The following PHF14 variants were observed in gnomAD, a reference collection of about 807,000 sequenced individuals.
The protein encoded by PHF14 is PHD finger protein 14.
In PHF14, 55 loss-of-function variants were observed where a neutral mutation model predicts 117.9. The ratio of observed to expected loss-of-function variants is 0.47; its 90% CI spans 0.38 to 0.58. PHF14 has a LOEUF of 0.58. Ranked by LOEUF, PHF14 falls within the 20% of genes least tolerant of loss-of-function variation. The pLI is 0.00. For synonymous variants in PHF14, 409 were observed against 368.6 expected (o/e 1.11, Z -1.26); for missense variants, 978 against 1,122.2 (o/e 0.87, Z 1.84).
intron 17 of PHF14, among the ~76,000 whole-genome samples, chr7:11,119,406 C>T (rs58442127): frequency 1.3e-5 from 2 of 151,656 alleles, no homozygotes; most frequent in African/African-American, 2.4e-5. Flanking sequence ...TATCATAGAT[C>T]GTACTGTTAT....
At chr7:11,009,436 T>C (rs563006362) in intron 4 of PHF14, among the ~76,000 whole-genome samples, 9 of 152,322 alleles carry the variant, frequency 5.9e-5, no homozygotes, top group African/African-American at 1.9e-4. Context: ...GCTAATTAAA[T>C]GGCCATAGAA....
chr7:11,008,277 T>C lies in PHF14; in HGVS notation c.1046-5470T>C, dbSNP rs538195513. ...TGCAAAAAGATATCCTTAGGAGTGT[T>C]CACTGGATAGTAGAATATGTTCAAG... is the stretch of plus-strand genomic sequence containing the variant. On this transcript the variant is annotated intron_variant, in intron 4 of 17. Transcript: ENST00000634607. Among the ~76,000 whole-genome samples, 6 of 152,348 alleles carry C rather than the reference T, an allele frequency of 3.9e-5. No homozygotes were observed. The East Asian group carries it at 1.2e-3, about 29-fold the overall frequency.
intron 17 of PHF14, among the ~76,000 whole-genome samples, chr7:11,122,352 T>TATATAC: frequency 4.4e-4 from 29 of 65,876 alleles, no homozygotes; most frequent in South Asian, 2.0e-3. Flanking sequence ...TATATATATA[T>TATATAC]ACACACACAC....
intron 7 of PHF14, among the ~76,000 whole-genome samples, chr7:11,033,205 G>A (rs994939750): frequency 6.6e-6 from 1 of 152,162 alleles, no homozygotes; most frequent in Non-Finnish European, 1.5e-5. Flanking sequence ...ACATTATTTT[G>A]ACTGGTTTAA....
At chr7:11,137,424 C>T (rs759795414) in intron 17 of PHF14, among the ~76,000 whole-genome samples, 9 of 151,998 alleles carry the variant, frequency 5.9e-5, no homozygotes, top group Non-Finnish European at 1.0e-4. Context: ...AGTTAAAGTT[C>T]ACCAAGAATG....
At chr7:10,974,966 TC>T in intron 2 of PHF14, 21 bp downstream of exon 2, 1 of 1,172,972 alleles carries the variant, frequency 8.5e-7, no homozygotes, top group South Asian at 1.3e-5. Context: ...CCTTCTCTCT[TC>T]CCCTTTCCCA....
At chr7:11,104,230 A>G in intron 16 of PHF14, 1 of 984,540 alleles carries the variant, frequency 1.0e-6, no homozygotes, top group Non-Finnish European at 1.2e-6. Flanking sequence ...TTGCATTTTC[A>G]GTGGTGGTGG....
rs562435104 is a variant in PHF14, at chr7:11,123,541, G to A, written c.2772+12074G>A. Among the ~76,000 whole-genome samples, 6 of 152,262 alleles carry A rather than the reference G, an allele frequency of 3.9e-5. No individual in the cohort carries two copies. In the East Asian group the frequency reaches 1.2e-3, roughly 29 times the overall value. On this transcript the variant is annotated intron_variant, in intron 17 of 17. Transcript: ENST00000634607. ...TCACACCTGTATTCCCAGTGCTTTG[G>A]GAGGCCGAGACAGGCAGATCACAAG...
intron 16 of PHF14, chr7:11,108,707 A>G (rs1203385444): frequency 1.3e-5 from 2 of 151,740 alleles, no homozygotes; most frequent in African/African-American, 4.8e-5. Flanking sequence ...ATTTAATTGT[A>G]CGAGTAGTTG....
chr7:11,129,588 A>G, intron 17 of PHF14, among the ~76,000 whole-genome samples: 1 of 147,970 alleles, frequency 6.8e-6, no homozygotes, highest in East Asian at 2.0e-4. Flanking sequence ...AATTTAAGAG[A>G]CAGTAAACCC....
chr7:11,118,841 C>T (rs966739135), intron 17 of PHF14, among the ~76,000 whole-genome samples: 2 of 151,644 alleles, frequency 1.3e-5, no homozygotes, highest in African/African-American at 4.8e-5. Context: ...GTAAATTATT[C>T]CTTAAGCATC....
At chr7:10,997,205 T>C (rs945511076) in intron 4 of PHF14, among the ~76,000 whole-genome samples, 6 of 152,210 alleles carry the variant, frequency 3.9e-5, no homozygotes, top group African/African-American at 1.4e-4. Context: ...TAGTAGAGTT[T>C]AATATCCTCA....
At chr7:11,015,094 C>G (rs1583367968) in intron 5 of PHF14, 1 of 151,956 alleles carries the variant, frequency 6.6e-6, no homozygotes, top group Non-Finnish European at 1.5e-5. Flanking sequence ...ACAAGATTAA[C>G]AGCAAAGCAA....
rs200277240 is a variant in PHF14, at chr7:11,038,862, T to G, written c.2076+7T>G. ...AGGCAGAATCACAGGGCAGGTTAGT[T>G]TCTTTCCAATTGCTGTCTCCTTCAG... On this transcript the variant is annotated splice_region_variant and intron_variant, in intron 11 of 17. Coordinates refer to ENST00000634607, the MANE Select transcript of PHF14 (RefSeq NM_001007157.2). 1.8e-4 allele frequency: 249 copies of G among 1,363,186 alleles called. 2 individuals are homozygous for G. The East Asian group carries it at 5.4e-3, about 29-fold the overall frequency. 84.4% of individuals were successfully genotyped at this position (1,363,186 alleles called of 1,614,324 possible). A position where few individuals can be genotyped will look rare whatever the true frequency, so the allele number is the denominator to read the frequency against.
chr7:11,082,545 T>G (rs2128336605), intron 16 of PHF14, among the ~76,000 whole-genome samples: 1 of 152,350 alleles, frequency 6.6e-6, no homozygotes, highest in African/African-American at 2.4e-5. Flanking sequence ...TCATTTATGC[T>G]TTCTGATTTA....
At chr7:11,124,037 CCTTA>C (rs1787852175) in intron 17 of PHF14, among the ~76,000 whole-genome samples, 3 of 127,532 alleles carry the variant, frequency 2.4e-5, no homozygotes, top group African/African-American at 5.1e-5. Flanking sequence ...CTGTTTTTCT[CCTTA>C]CTTTTTCCTT....
At chr7:11,118,404 G>C (rs1386132262) in intron 17 of PHF14, among the ~76,000 whole-genome samples, 3 of 151,818 alleles carry the variant, frequency 2.0e-5, no homozygotes, top group Admixed American at 6.6e-5. Flanking sequence ...TCCTTGGCAA[G>C]TGAAATTGTT....
Position 11,051,651 on chromosome 7 carries a change from G to T in PHF14, c.2352G>T (p.Met784Ile). ...GTGACCAGGCAGGGAGCAGTGACAT[G>T]GAAGCAGATATGGCCATGGAAACCC... is the stretch of plus-strand genomic sequence containing the variant. ...SECDQAGSSD[M>I]EADMAMETLP... is the part of the protein sequence containing the mutation. Residue 784 changes from methionine to isoleucine, a missense_variant, in exon 14 of 18, where the codon ATG (methionine) becomes ATT (isoleucine). Transcript: ENST00000634607. 6.2e-7 allele frequency: 1 copy of T among 1,613,468 alleles called. No individual in the cohort carries two copies. Among genetic ancestry groups the T allele is most frequent in the Non-Finnish European group, 8.5e-7 (1 of 1,179,626 alleles).
intron 1 of PHF14, among the ~76,000 whole-genome samples, chr7:10,974,581 C>T (rs936448028): frequency 2.6e-5 from 4 of 152,154 alleles, no homozygotes; most frequent in African/African-American, 9.7e-5. Context: ...GCAAGAGGGT[C>T]AGCTTCGATT....
Sources: allele counts gnomAD v4.1 joint callset (sites outside exome capture counted in the v4.1 genomes callset), GRCh38; gene constraint gnomAD v4.1.1; transcripts MANE v1.5; gene names NCBI Gene and HGNC (gene_info 2026-07-23, HGNC 2026-07-21).